ABTB3: variants seen among roughly 807,000 people sequenced by gnomAD.
ABTB3 encodes ankyrin repeat and BTB domain containing 3.
chr12:107,444,365 C>T, the ABTB3 span, among the ~76,000 whole-genome samples: 1 of 152,192 alleles, frequency 6.6e-6, no homozygotes, highest in Non-Finnish European at 1.5e-5. Context: ...CACTGTATGG[C>T]AGGCCTGGCT....
the ABTB3 span, among the ~76,000 whole-genome samples, chr12:107,642,442 G>A: frequency 6.6e-6 from 1 of 152,184 alleles, no homozygotes; most frequent in Non-Finnish European, 1.5e-5. Context: ...CAGAGTCTGT[G>A]GGGGGCGGGG....
the ABTB3 span, among the ~76,000 whole-genome samples, chr12:107,433,349 C>A: frequency 2.1e-5 from 3 of 143,074 alleles, no homozygotes; most frequent in Non-Finnish European, 4.5e-5. Flanking sequence ...AGGGAGGAGG[C>A]AAGGGGGTTT....
At chr12:107,320,769 C>G in the ABTB3 span, 2 of 438,454 alleles carry the variant, frequency 4.6e-6, no homozygotes, top group Non-Finnish European at 9.2e-6. Flanking sequence ...CCTCCCAGCT[C>G]TTGGCCTCTC....
At chr12:107,355,518 C>G in the ABTB3 span, among the ~76,000 whole-genome samples, 4 of 152,352 alleles carry the variant, frequency 2.6e-5, no homozygotes, top group Admixed American at 6.5e-5. Context: ...GGCAGGTTTG[C>G]AGCTTGGGGC....
chr12:107,344,352 T>C, the ABTB3 span, among the ~76,000 whole-genome samples: 1 of 152,142 alleles, frequency 6.6e-6, no homozygotes, highest in Admixed American at 6.5e-5. Context: ...CACCCAATCA[T>C]GTTAGTGAAG....
At chr12:107,565,194 G>A in the ABTB3 span, among the ~76,000 whole-genome samples, 1 of 152,200 alleles carries the variant, frequency 6.6e-6, no homozygotes, top group Non-Finnish European at 1.5e-5. Context: ...GTATGCAGGA[G>A]CTCCCCTGTT....
the ABTB3 span, among the ~76,000 whole-genome samples, chr12:107,539,597 T>C: frequency 6.6e-6 from 1 of 152,184 alleles, no homozygotes; most frequent in Admixed American, 6.5e-5. Flanking sequence ...AATCAGGTGC[T>C]CAGCGTTCAG....
At chr12:107,400,842 G>A in the ABTB3 span, among the ~76,000 whole-genome samples, 8 of 152,200 alleles carry the variant, frequency 5.3e-5, no homozygotes, top group Non-Finnish European at 8.8e-5. Context: ...AAGCAGATCC[G>A]GTGCCCAGAG....
chr12:107,439,022 A>G, the ABTB3 span, among the ~76,000 whole-genome samples: 1 of 152,064 alleles, frequency 6.6e-6, no homozygotes, highest in African/African-American at 2.4e-5. Flanking sequence ...CTTTTATTTT[A>G]TTATTCTGGT....
chr12:107,319,051 C>T, the ABTB3 span: 2 of 1,613,644 alleles, frequency 1.2e-6, no homozygotes, highest in Non-Finnish European at 1.7e-6. Flanking sequence ...TGTCTTTGTG[C>T]TGTTCCGACT....
the ABTB3 span, chr12:107,318,901 CTT>C: frequency 6.5e-7 from 1 of 1,542,808 alleles, no homozygotes; most frequent in African/African-American, 1.4e-5. Context: ...CGCTCCTTCC[CTT>C]TGGCTCCCAG....
At chr12:107,513,978 T>C in the ABTB3 span, among the ~76,000 whole-genome samples, 2 of 152,354 alleles carry the variant, frequency 1.3e-5, no homozygotes, top group East Asian at 3.9e-4. Flanking sequence ...AGACATTAAA[T>C]AAACAGGACT....
At chr12:107,479,422 C>G in the ABTB3 span, among the ~76,000 whole-genome samples, 2 of 151,956 alleles carry the variant, frequency 1.3e-5, no homozygotes, top group African/African-American at 4.8e-5. Flanking sequence ...CTCTCTGCAT[C>G]TCGGTGTCCA....
At chr12:107,488,682 A>G in the ABTB3 span, among the ~76,000 whole-genome samples, 3 of 149,944 alleles carry the variant, frequency 2.0e-5, no homozygotes, top group Admixed American at 6.7e-5. Context: ...ATAAAATATT[A>G]TATATTATAA....
chr12:107,431,321 T>C, the ABTB3 span, among the ~76,000 whole-genome samples: 1 of 152,110 alleles, frequency 6.6e-6, no homozygotes, highest in Non-Finnish European at 1.5e-5. Context: ...CTTTAAAAAG[T>C]CAATCCAGGC....
chr12:107,365,210 A>G, the ABTB3 span, among the ~76,000 whole-genome samples: 13 of 152,226 alleles, frequency 8.5e-5, no homozygotes, highest in Non-Finnish European at 1.9e-4. Flanking sequence ...ATTAAATAAG[A>G]TAATAGATAT....
the ABTB3 span, among the ~76,000 whole-genome samples, chr12:107,651,972 G>C: frequency 1.3e-5 from 2 of 152,226 alleles, no homozygotes; most frequent in African/African-American, 4.8e-5. Context: ...CTCCCCTCCA[G>C]AACAAGGAAA....
At chr12:107,450,573 C>G in the ABTB3 span, among the ~76,000 whole-genome samples, 2 of 152,116 alleles carry the variant, frequency 1.3e-5, no homozygotes, top group African/African-American at 4.8e-5. Flanking sequence ...GAGGGGCATT[C>G]AGTGGTCTAG....
the ABTB3 span, among the ~76,000 whole-genome samples, chr12:107,378,224 C>T: frequency 6.6e-6 from 1 of 152,206 alleles, no homozygotes; most frequent in African/African-American, 2.4e-5. Flanking sequence ...TATAGGCAGA[C>T]ATGGTCTCTT....
Sources: gnomAD v4.1 joint callset for allele counts (sites outside exome capture counted in the v4.1 genomes callset) on GRCh38, gnomAD v4.1.1 for gene constraint, MANE v1.5 for transcripts, NCBI Gene and HGNC (gene_info 2026-07-23, HGNC 2026-07-21) for gene names.